Variants in NSMAF observed in about 807,000 individuals in gnomAD.
The protein encoded by NSMAF is protein FAN.
In NSMAF, 90 loss-of-function variants were observed where a neutral mutation model predicts 134.9. The observed-to-expected ratio is 0.67, with a 90% CI of 0.56 to 0.79. The LOEUF (loss-of-function observed/expected upper bound fraction) is 0.79, where lower values mean the gene tolerates loss of function less well. NSMAF is among the 30% of genes least tolerant of loss of function. NSMAF has a pLI of 0.00. For synonymous variants in NSMAF, 358 were observed against 389.6 expected, an observed-to-expected ratio of 0.92 and a Z score of 0.96; for missense variants, 1,010 against 1,119.0, an observed-to-expected ratio of 0.90 and a Z score of 1.39.
chr8:58,590,874 G>T lies in NSMAF; in HGVS notation c.2012C>A (p.Ser671Ter). The change falls in exon 24 of 31, where the codon TCA (serine) becomes TAA (stop). Residue 671 changes from serine to a stop codon, truncating the protein, a stop_gained. Coordinates refer to ENST00000038176, the MANE Select transcript of NSMAF (RefSeq NM_003580.4). LOFTEE classifies it high-confidence loss of function. Reference protein sequence around the residue: ...SKMLQRSISFSNMALSSCLLL... With the variant: ...SKMLQRSISF ...CTATTAAAATGAACTCACCATATTT[G>T]AAAATGATATACTTCTTTGTAGCAT... 6.4e-7 allele frequency: 1 copy of T among 1,559,760 alleles called. No individual in the cohort carries two copies. The highest frequency in any genetic ancestry group is 1.1e-5 in the South Asian group (1 of 89,698).
intron 16 of NSMAF, among the ~76,000 whole-genome samples, chr8:58,600,972 G>T (rs2129141072): frequency 6.6e-6 from 1 of 152,136 alleles, no homozygotes; most frequent in Non-Finnish European, 1.5e-5. Context: ...ATAAAATATG[G>T]CATATGTTAG....
At chr8:58,600,723 A>G (rs997911642) in intron 16 of NSMAF, among the ~76,000 whole-genome samples, 1 of 151,886 alleles carries the variant, frequency 6.6e-6, no homozygotes, top group Non-Finnish European at 1.5e-5. Context: ...AAAAAATGAA[A>G]AGGACATACC....
Position 58,587,204 on chromosome 8 carries a change from C to G in NSMAF, c.2295+414G>C, listed in dbSNP as rs143043635. On this transcript the variant is annotated intron_variant, in intron 27 of 30. Transcript: ENST00000038176. Reference sequence around the variant, plus strand: ...GCTGCATGTACTTGACCATCCCAGACAGCTGGTCACTGTCCCCCACTGTTG... The same window carrying G: ...GCTGCATGTACTTGACCATCCCAGAGAGCTGGTCACTGTCCCCCACTGTTG... 4.5e-3 allele frequency among the ~76,000 whole-genome samples: 679 copies of G among 152,348 alleles called. 7 individuals are homozygous for G. Among genetic ancestry groups the G allele is most frequent in the African/African-American group, 0.015 (637 of 41,568 alleles).
At chr8:58,621,655 A>C (rs1806790803) in intron 9 of NSMAF, among the ~76,000 whole-genome samples, 1 of 152,096 alleles carries the variant, frequency 6.6e-6, no homozygotes, top group Non-Finnish European at 1.5e-5. Context: ...AATTTACTAA[A>C]TTTTTAAAAT....
Position 58,654,708 on chromosome 8 carries a change from C to G in NSMAF, c.59+4865G>C, listed in dbSNP as rs148818311. Among the ~76,000 whole-genome samples the G allele has an allele frequency of 1.8e-3, 268 of 152,276 alleles. 1 individual carries two copies. Among genetic ancestry groups the G allele is most frequent in the Non-Finnish European group, 3.0e-3 (205 of 68,028 alleles). On this transcript the variant is annotated intron_variant, in intron 1 of 30. Coordinates refer to ENST00000038176, the MANE Select transcript of NSMAF (RefSeq NM_003580.4). ...AGAATTCAAGATCACTAATTTCCATCCTTGAGTGGAAATCTGTGGAACTTA... is the reference window on the plus strand; with the variant it reads ...AGAATTCAAGATCACTAATTTCCATGCTTGAGTGGAAATCTGTGGAACTTA...
In NSMAF at chr8:58,601,309, T is replaced by C; in HGVS notation, c.1256A>G (p.Asp419Gly). 1 of 1,613,982 alleles carries C rather than the reference T, an allele frequency of 6.2e-7. No individual in the cohort carries two copies. Among genetic ancestry groups the C allele is most frequent in the Non-Finnish European group, 8.5e-7 (1 of 1,179,910 alleles). The change falls in exon 16 of 31, where the codon GAT (aspartate) becomes GGT (glycine). Residue 419 changes from aspartate to glycine, a missense_variant. Asp to Gly is a moderately conservative substitution (Grantham distance 94, BLOSUM62 -1). Transcript: ENST00000038176. ...YMLCLQNGRF[D>G]NADRMFNSIA... ...CCTGTTGAACATTCTATCTGCATTA[T>C]CAAATCTTCCATTCTGCAGGCACAG... is the stretch of plus-strand genomic sequence containing the variant.
rs745494720 is a variant in NSMAF, at chr8:58,589,582, G to C, written c.2088-7C>G. ...TGCTATGGAATAAAAATAGCTAAAA[G>C]ATAATGAGAAGCATTAAAACAGTAG... is the stretch of plus-strand genomic sequence containing the variant. On this transcript the variant is annotated splice_region_variant and splice_polypyrimidine_tract_variant and intron_variant, in intron 25 of 30. Coordinates refer to ENST00000038176, the MANE Select transcript of NSMAF (RefSeq NM_003580.4). The C allele has an allele frequency of 1.2e-5, 18 of 1,564,074 alleles. No homozygotes were observed. The highest frequency in any genetic ancestry group is 1.5e-5 in the Non-Finnish European group (17 of 1,165,610).
At chr8:58,651,437 G>C (rs1179755941) in intron 1 of NSMAF, among the ~76,000 whole-genome samples, 1 of 152,162 alleles carries the variant, frequency 6.6e-6, no homozygotes. Context: ...CTGGACTCTA[G>C]AAAATTACAT....
intron 9 of NSMAF, among the ~76,000 whole-genome samples, chr8:58,610,935 C>T (rs2129142610): frequency 6.6e-6 from 1 of 152,298 alleles, no homozygotes; most frequent in Non-Finnish European, 1.5e-5. Flanking sequence ...TTAAATTTAA[C>T]CACAGGTGCA....
chr8:58,632,805 T>TA (rs1465374732), intron 5 of NSMAF, among the ~76,000 whole-genome samples: 4 of 152,184 alleles, frequency 2.6e-5, no homozygotes, highest in African/African-American at 9.7e-5. Flanking sequence ...ATGGCCATCT[T>TA]AAATCTCACA....
At chr8:58,614,936 A>G (rs936588624) in intron 9 of NSMAF, among the ~76,000 whole-genome samples, 16 of 152,130 alleles carry the variant, frequency 1.1e-4, no homozygotes, top group Admixed American at 9.8e-4. Context: ...AGACTCAACT[A>G]TATATTTAAA....
At chr8:58,587,799 A>T (rs1805925186) in intron 26 of NSMAF, 98 bp from the exon 27 acceptor site, 3 of 996,820 alleles carry the variant, frequency 3.0e-6, no homozygotes, top group Non-Finnish European at 4.6e-6. Flanking sequence ...ATTTCCATTT[A>T]ACAGACTTGC....
intron 5 of NSMAF, among the ~76,000 whole-genome samples, chr8:58,631,870 G>A (rs17272647): frequency 0.016 from 2,412 of 151,688 alleles, 46 homozygotes; most frequent in Non-Finnish European, 0.023. Context: ...TCCAAGTGCT[G>A]ATTTTTTAAG....
At chr8:58,628,416 A>G (rs1360412279) in intron 6 of NSMAF, among the ~76,000 whole-genome samples, 1 of 152,230 alleles carries the variant, frequency 6.6e-6, no homozygotes, top group Non-Finnish European at 1.5e-5. Flanking sequence ...ACTTAACTTC[A>G]GTCACATACA....
rs147219674 is a variant in NSMAF at position 58,606,398 on chromosome 8, C to G, written c.760-363G>C. Among the ~76,000 whole-genome samples, 849 of 152,156 alleles carry G rather than the reference C, an allele frequency of 5.6e-3. 10 individuals are homozygous for G. Among genetic ancestry groups the G allele is most frequent in the African/African-American group, 0.019 (788 of 41,512 alleles). ...CTCTTCTTCAAACATAAATGTCTAG[C>G]TTTCTTTCATAAGTTAAATAACATA... is the stretch of plus-strand genomic sequence containing the variant. On this transcript the variant is annotated intron_variant, in intron 11 of 30. Coordinates refer to ENST00000038176, the MANE Select transcript of NSMAF (RefSeq NM_003580.4).
At chr8:58,584,498 G>A (rs546220516) in intron 30 of NSMAF, among the ~76,000 whole-genome samples, 1 of 152,276 alleles carries the variant, frequency 6.6e-6, no homozygotes, top group East Asian at 1.9e-4. Flanking sequence ...GTACAATACA[G>A]GTATAACATG....
At chr8:58,633,857 C>T (rs1035055215) in intron 5 of NSMAF, among the ~76,000 whole-genome samples, 4 of 152,038 alleles carry the variant, frequency 2.6e-5, no homozygotes, top group African/African-American at 7.2e-5. Flanking sequence ...TAGCTTGTGT[C>T]GGGCTGGTTT....
Position 58,599,781 on chromosome 8 carries a change from A to T in NSMAF, c.1422T>A (p.Val474=), listed in dbSNP as rs1806232791. ...CCCAAGGGGGAAGCTCCACGTCGTCAACCATCTGTCCTCCTTGTCTCTTTC... is the reference window on the plus strand; with the variant it reads ...CCCAAGGGGGAAGCTCCACGTCGTCTACCATCTGTCCTCCTTGTCTCTTTC... ...DLGKRQGGQM[V]DDVELPPWAS... is the part of the protein sequence containing the mutation. The change falls in exon 18 of 31, where the codon GTT becomes GTA. Residue 474 remains valine (V), a synonymous_variant. Transcript: ENST00000038176. 6.2e-7 allele frequency: 1 copy of T among 1,614,110 alleles called. No homozygotes were observed. Among genetic ancestry groups the T allele is most frequent in the Non-Finnish European group, 8.5e-7 (1 of 1,179,966 alleles).
chr8:58,659,282 G>A (rs1440790697), intron 1 of NSMAF: 2 of 1,519,018 alleles, frequency 1.3e-6, no homozygotes, highest in Non-Finnish European at 1.8e-6. Flanking sequence ...CGGCCGCCGG[G>A]ACCTGCACTG....
Sources: gnomAD v4.1 joint callset for allele counts (sites outside exome capture counted in the v4.1 genomes callset) on GRCh38, gnomAD v4.1.1 for gene constraint, MANE v1.5 for transcripts, NCBI Gene and HGNC (gene_info 2026-07-23, HGNC 2026-07-21) for gene names.